DPP10: variants seen among roughly 807,000 people sequenced by gnomAD.
DPP10 encodes the protein dipeptidyl peptidase like 10, also known as inactive dipeptidyl peptidase 10.
DPP10 carries 33 observed loss-of-function variants against 120.9 expected under a neutral mutation model. The observed-to-expected ratio is 0.27, with a 90% CI of 0.21 to 0.37. The LOEUF is 0.37. DPP10 is among the 10% of genes least tolerant of loss of function. The pLI is 1.00. For synonymous variants in DPP10, 337 were observed against 326.1 expected (o/e 1.03, Z -0.36); for missense variants, 816 against 942.8 (o/e 0.87, Z 1.76).
At chr2:115,407,483 G>A (rs1404853418) in intron 3 of DPP10, among the ~76,000 whole-genome samples, 1 of 152,148 alleles carries the variant, frequency 6.6e-6, no homozygotes, top group Non-Finnish European at 1.5e-5. Context: ...AGCGTTCCTG[G>A]CAAAAGGGGC....
At chr2:115,426,491 ACGC>A (rs2070468822) in intron 3 of DPP10, among the ~76,000 whole-genome samples, 1 of 21,486 alleles carries the variant, frequency 4.7e-5, no homozygotes, top group Non-Finnish European at 8.9e-5. Context: ...GCCACCTCCG[ACGC>A]TGGAGATGAC....
At chr2:115,700,485 A>T (rs2091839277) in intron 7 of DPP10, among the ~76,000 whole-genome samples, 2 of 152,166 alleles carry the variant, frequency 1.3e-5, no homozygotes, top group African/African-American at 4.8e-5. Flanking sequence ...CATTATACTT[A>T]ATGGTCAAAG....
chr2:114,685,190 G>C (rs769452365), intron 1 of DPP10, among the ~76,000 whole-genome samples: 8 of 151,576 alleles, frequency 5.3e-5, no homozygotes, highest in Admixed American at 2.6e-4. Context: ...ATTATACCAG[G>C]TTCCTTTCTC....
At chr2:115,435,046 G>A (rs575123802) in intron 3 of DPP10, among the ~76,000 whole-genome samples, 58 of 59,858 alleles carry the variant, frequency 9.7e-4, no homozygotes, top group African/African-American at 3.1e-3. Flanking sequence ...CTATACACAT[G>A]CACACATATA....
At chr2:114,933,029 A>G (rs553228129) in intron 1 of DPP10, among the ~76,000 whole-genome samples, 1 of 152,252 alleles carries the variant, frequency 6.6e-6, no homozygotes, top group African/African-American at 2.4e-5. Flanking sequence ...ACTCCAACAC[A>G]CCTACTTCTT....
At chr2:114,653,305 G>C (rs1328626037) in intron 1 of DPP10, among the ~76,000 whole-genome samples, 1 of 152,098 alleles carries the variant, frequency 6.6e-6, no homozygotes, top group African/African-American at 2.4e-5. Context: ...TGATGCACCT[G>C]TAGCCCTAGA....
In DPP10 at chr2:114,470,847, T is replaced by G. The variant is rs190558987; in HGVS notation, c.60+28009T>G. 2.6e-5 allele frequency among the ~76,000 whole-genome samples: 4 copies of G among 152,356 alleles called. No individual in the cohort carries two copies. The East Asian group carries it at 5.8e-4, about 22-fold the overall frequency. ...TTTCATGCAGTCCATACTGCCTTGT[T>G]TGCTAATTGCTGTACACATGCAGAC... On this transcript the variant is annotated intron_variant, in intron 1 of 25. Transcript: ENST00000410059.
intron 5 of DPP10, among the ~76,000 whole-genome samples, chr2:115,550,528 T>G (rs142807302): frequency 1.3e-5 from 2 of 152,242 alleles, no homozygotes; most frequent in African/African-American, 4.8e-5. Flanking sequence ...CCCAGAAATA[T>G]CCCCTTCATT....
At chr2:114,979,123 G>A in intron 1 of DPP10, among the ~76,000 whole-genome samples, 1 of 151,914 alleles carries the variant, frequency 6.6e-6, no homozygotes, top group East Asian at 1.9e-4. Context: ...TTGAATTTTG[G>A]AACCATTTTC....
intron 1 of DPP10, among the ~76,000 whole-genome samples, chr2:115,233,534 G>A (rs1469103121): frequency 6.6e-6 from 1 of 151,882 alleles, no homozygotes; most frequent in Non-Finnish European, 1.5e-5. Flanking sequence ...TTTTCCCATC[G>A]CCTTCATGTG....
intron 1 of DPP10, among the ~76,000 whole-genome samples, chr2:114,599,381 G>T (rs1363231838): frequency 6.6e-6 from 1 of 151,640 alleles, no homozygotes; most frequent in Non-Finnish European, 1.5e-5. Flanking sequence ...TTCCTTTGCA[G>T]GTCACTCATT....
intron 1 of DPP10, among the ~76,000 whole-genome samples, chr2:115,275,451 C>G (rs2059873574): frequency 6.6e-6 from 1 of 152,088 alleles, no homozygotes; most frequent in Admixed American, 6.6e-5. Flanking sequence ...TTGCAAAAAT[C>G]TTTGAGGGGT....
intron 1 of DPP10, among the ~76,000 whole-genome samples, chr2:115,218,284 A>G (rs1344252145): frequency 6.6e-6 from 1 of 152,138 alleles, no homozygotes; most frequent in East Asian, 1.9e-4. Flanking sequence ...AGGTTTTGGG[A>G]AAGGAAAGAA....
chr2:114,591,522 T>C (rs991072616), intron 1 of DPP10, among the ~76,000 whole-genome samples: 2 of 151,770 alleles, frequency 1.3e-5, no homozygotes, highest in Non-Finnish European at 2.9e-5. Flanking sequence ...CATCCAGATT[T>C]AGAAGGCTCA....
intron 5 of DPP10, among the ~76,000 whole-genome samples, chr2:115,533,283 C>G (rs1451116939): frequency 6.6e-6 from 1 of 152,020 alleles, no homozygotes; most frequent in East Asian, 1.9e-4. Context: ...TGAATGAATC[C>G]TTTAAATCGT....
chr2:114,844,072 G>A (rs1019335448), intron 1 of DPP10, among the ~76,000 whole-genome samples: 1 of 152,074 alleles, frequency 6.6e-6, no homozygotes, highest in African/African-American at 2.4e-5. Flanking sequence ...ATTATAGTGA[G>A]CACTGCTTTG....
At chr2:115,283,459 A>G (rs2060241259) in intron 1 of DPP10, among the ~76,000 whole-genome samples, 1 of 151,886 alleles carries the variant, frequency 6.6e-6, no homozygotes, top group African/African-American at 2.4e-5. Flanking sequence ...TTATTGTTTT[A>G]TATTGGTTGA....
intron 1 of DPP10, among the ~76,000 whole-genome samples, chr2:114,606,959 G>T (rs1209734436): frequency 6.6e-6 from 1 of 152,192 alleles, no homozygotes. Flanking sequence ...TATTCAAGGA[G>T]AGAGTGCTAA....
chr2:115,486,232 A>C (rs1195603522), intron 3 of DPP10, among the ~76,000 whole-genome samples: 2 of 118,456 alleles, frequency 1.7e-5, no homozygotes, highest in Non-Finnish European at 3.8e-5. Flanking sequence ...AAATATTTTC[A>C]TAAGGGTGAG....
Sources: gnomAD v4.1 joint callset for allele counts (sites outside exome capture counted in the v4.1 genomes callset) on GRCh38, gnomAD v4.1.1 for gene constraint, MANE v1.5 for transcripts, NCBI Gene and HGNC (gene_info 2026-07-23, HGNC 2026-07-21) for gene names.